Variants in ACBD6 observed in about 807,000 individuals in gnomAD.
ACBD6 encodes acyl-CoA-binding domain-containing protein 6.
A neutral mutation model predicts 37.2 loss-of-function variants in ACBD6; 28 were observed. That is an observed-to-expected ratio of 0.75 (90% CI 0.56 to 1.03). ACBD6 has a LOEUF of 1.03. Among genes scored for constraint, ACBD6 ranks in the 50% least tolerant of loss-of-function variants. ACBD6 has a pLI of 0.00. For synonymous variants in ACBD6, 113 were observed against 126.8 expected, an observed-to-expected ratio of 0.89 and a Z score of 0.73; for missense variants, 340 against 337.4, an observed-to-expected ratio of 1.01 and a Z score of -0.06.
At chr1:180,342,875 A>C (rs1652032010) in intron 6 of ACBD6, among the ~76,000 whole-genome samples, 1 of 152,052 alleles carries the variant, frequency 6.6e-6, no homozygotes, top group Non-Finnish European at 1.5e-5. Flanking sequence ...CTGGTTTACA[A>C]CTTATATCAG....
At chr1:180,376,167 TGA>T (rs1467164257) in intron 6 of ACBD6, among the ~76,000 whole-genome samples, 1 of 152,192 alleles carries the variant, frequency 6.6e-6, no homozygotes. Flanking sequence ...TTCTAAAATG[TGA>T]GAGAGCACAA....
At chr1:180,475,424 T>C (rs1650740474) in intron 3 of ACBD6, among the ~76,000 whole-genome samples, 1 of 152,196 alleles carries the variant, frequency 6.6e-6, no homozygotes, top group Non-Finnish European at 1.5e-5. Context: ...TCCCACTCTG[T>C]GGCCCAGGCT....
rs147672708 is a variant in ACBD6 at position 180,453,657 on chromosome 1, T to C, written c.385-23395A>G. 5.7e-3 allele frequency among the ~76,000 whole-genome samples: 873 copies of C among 152,278 alleles called. 7 individuals carry two copies. The highest frequency in any genetic ancestry group is 0.019 in the African/African-American group (810 of 41,564). ...GTATATTTAGAAAACCCCATTGTCATAGCCCAAAATCTCCTAAAGCTGATA... is the reference window on the plus strand; with the variant it reads ...GTATATTTAGAAAACCCCATTGTCACAGCCCAAAATCTCCTAAAGCTGATA... On this transcript the variant is annotated intron_variant, in intron 3 of 7. Transcript: ENST00000367595.
chr1:180,275,605 T>G (rs1241304043), intron 9 of ACBD6: 7 of 152,244 alleles, frequency 4.6e-5, no homozygotes, highest in Non-Finnish European at 1.0e-4. Context: ...TCTACCCCTC[T>G]GAAAGCTTTC....
intron 7 of ACBD6, among the ~76,000 whole-genome samples, chr1:180,293,294 ATTTT>A (rs58030337): frequency 8.6e-4 from 94 of 109,740 alleles, no homozygotes; most frequent in African/African-American, 1.1e-3. Context: ...TGTGTGTAGA[ATTTT>A]TTTTTTTTTT....
intron 3 of ACBD6, among the ~76,000 whole-genome samples, chr1:180,491,397 C>T (rs575706528): frequency 6.6e-6 from 1 of 152,230 alleles, no homozygotes; most frequent in East Asian, 1.9e-4. Flanking sequence ...AGATGTTCTC[C>T]AATAAGTATA....
chr1:180,407,680 T>C (rs528378992), intron 5 of ACBD6, among the ~76,000 whole-genome samples: 3 of 152,338 alleles, frequency 2.0e-5, no homozygotes, highest in Non-Finnish European at 4.4e-5. Flanking sequence ...GGTTTCTACT[T>C]AGCAGTTATA....
chr1:180,279,595 G>C (rs1022371918), intron 9 of ACBD6, among the ~76,000 whole-genome samples: 1 of 152,110 alleles, frequency 6.6e-6, no homozygotes, highest in Non-Finnish European at 1.5e-5. Context: ...ACCATGCCCG[G>C]CCTGTCCAGT....
intron 3 of ACBD6, chr1:180,435,540 C>T (rs1648999745): frequency 7.2e-6 from 6 of 830,402 alleles, no homozygotes; most frequent in Non-Finnish European, 1.2e-5. Context: ...CATGAGCGAC[C>T]ATGCCCAGCC....
At chr1:180,431,840 G>C (rs767641211) in intron 3 of ACBD6, among the ~76,000 whole-genome samples, 39 of 152,172 alleles carry the variant, frequency 2.6e-4, no homozygotes, top group Non-Finnish European at 4.1e-4. Flanking sequence ...ATGACTCCTA[G>C]AAGGTAACAT....
intron 7 of ACBD6, among the ~76,000 whole-genome samples, chr1:180,305,319 CGG>C (rs1650309254): frequency 6.6e-6 from 1 of 152,064 alleles, no homozygotes; most frequent in South Asian, 2.1e-4. Context: ...AGGTAACCTA[CGG>C]AATGGGAGAA....
chr1:180,499,728 T>C (rs1418156022), intron 1 of ACBD6, among the ~76,000 whole-genome samples: 1 of 152,196 alleles, frequency 6.6e-6, no homozygotes, highest in Non-Finnish European at 1.5e-5. Context: ...TTCACTCTAA[T>C]GTTATTAGGA....
intron 7 of ACBD6, among the ~76,000 whole-genome samples, chr1:180,295,009 CT>C (rs978202654): frequency 7.9e-5 from 12 of 152,140 alleles, no homozygotes; most frequent in African/African-American, 2.9e-4. Flanking sequence ...TGTTTCTTCT[CT>C]TTTTTTTCTT....
At chr1:180,378,054 T>A (rs558622402) in intron 6 of ACBD6, among the ~76,000 whole-genome samples, 18 of 151,998 alleles carry the variant, frequency 1.2e-4, no homozygotes, top group African/African-American at 4.3e-4. Flanking sequence ...ATTTATTAAC[T>A]ACAAAGAAAA....
Position 180,319,441 on chromosome 1 carries a change from T to C in ACBD6, c.664-4719A>G, listed in dbSNP as rs538736906. On this transcript the variant is annotated intron_variant, in intron 6 of 7. Transcript: ENST00000367595. The stretch of plus-strand genomic sequence containing the variant: ...GATATAGGCATGCTATGTGTAATAT[T>C]CACATCATGATAAATGGGGTATCCA... Among the ~76,000 whole-genome samples the C allele has an allele frequency of 5.3e-5, 8 of 152,326 alleles. No individual in the cohort carries two copies. The East Asian group carries it at 1.2e-3, about 22-fold the overall frequency.
chr1:180,289,543 T>G (rs763171003), intron 7 of ACBD6, among the ~76,000 whole-genome samples: 20 of 152,226 alleles, frequency 1.3e-4, no homozygotes, highest in Non-Finnish European at 2.5e-4. Flanking sequence ...CATTACAGGT[T>G]AAACCTAAAC....
At chr1:180,349,260 T>G (rs1189452603) in intron 6 of ACBD6, among the ~76,000 whole-genome samples, 3 of 102,576 alleles carry the variant, frequency 2.9e-5, no homozygotes, top group South Asian at 6.9e-4. Flanking sequence ...ATAAAAAATT[T>G]TAATTTCTTT....
intron 6 of ACBD6, among the ~76,000 whole-genome samples, chr1:180,390,927 T>G (rs1468462494): frequency 6.6e-6 from 1 of 152,124 alleles, no homozygotes; most frequent in Non-Finnish European, 1.5e-5. Context: ...ATTTCAAAAC[T>G]TAACTACAAA....
intron 6 of ACBD6, among the ~76,000 whole-genome samples, chr1:180,322,829 C>G (rs1651125417): frequency 6.6e-6 from 1 of 150,584 alleles, no homozygotes; most frequent in East Asian, 1.9e-4. Flanking sequence ...TGTATTCTTT[C>G]CTTCATTTCA....
Sources: gnomAD v4.1 joint callset for allele counts (sites outside exome capture counted in the v4.1 genomes callset) on GRCh38, gnomAD v4.1.1 for gene constraint, MANE v1.5 for transcripts, NCBI Gene and HGNC (gene_info 2026-07-23, HGNC 2026-07-21) for gene names.